LY6G6F: variants seen among roughly 807,000 people sequenced by gnomAD.
LY6G6F encodes the protein lymphocyte antigen 6 family member G6F.
A neutral mutation model predicts 33.0 loss-of-function variants in LY6G6F; 26 were observed. The ratio of observed to expected loss-of-function variants is 0.79; its 90% CI spans 0.58 to 1.09. The LOEUF (loss-of-function observed/expected upper bound fraction) is 1.09, where lower values mean the gene tolerates loss of function less well. Among genes scored for constraint, LY6G6F ranks in the 50% least tolerant of loss-of-function variants. The pLI, the probability that LY6G6F is intolerant of heterozygous loss-of-function variation, is 0.00. For missense variants in LY6G6F, 317 were observed against 372.0 expected (o/e 0.85, Z 1.22); for synonymous variants, 132 against 148.1 (o/e 0.89, Z 0.79).
At chr6:31,709,242 TTGTG>T (rs770068919) in intron 3 of LY6G6F, among the ~76,000 whole-genome samples, 1 of 123,000 alleles carries the variant, frequency 8.1e-6, no homozygotes, top group Non-Finnish European at 1.8e-5. Context: ...TGGCTAACTT[TTGTG>T]TGTGTGTGTG....
At position 31,707,847 on chromosome 6, in the gene LY6G6F, G is replaced by A. The variant is rs772422000; in HGVS notation, c.383-24G>A. 1.2e-6 allele frequency: 2 copies of A among 1,609,488 alleles called. No homozygotes were observed. Among genetic ancestry groups the A allele is most frequent in the Non-Finnish European group, 1.7e-6 (2 of 1,176,730 alleles). On this transcript the variant is annotated intron_variant, in intron 2 of 5. Transcript: ENST00000375832. This position sits in a 1 kb window ranked among gnomAD's most constrained non-coding sequence, Gnocchi z 4.1. ...GCCCAGGAAGTCCAGGTGAAGAACTGAGGAATCCCTCTCTCCCCTACAGGA... is the reference window on the plus strand; with the variant it reads ...GCCCAGGAAGTCCAGGTGAAGAACTAAGGAATCCCTCTCTCCCCTACAGGA...
Position 31,710,230 on chromosome 6 carries a change from C to T in LY6G6F, c.802+49C>T. The T allele has an allele frequency of 6.2e-7, 1 of 1,607,176 alleles. No individual in the cohort carries two copies. Among genetic ancestry groups the T allele is most frequent in the Non-Finnish European group, 8.5e-7 (1 of 1,175,906 alleles). On this transcript the variant is annotated intron_variant, in intron 4 of 5. Transcript: ENST00000375832. This position sits in a 1 kb window ranked among gnomAD's most constrained non-coding sequence, Gnocchi z 4.7. The stretch of plus-strand genomic sequence containing the variant: ...AAGAAGAGGGCACATGGGTGGGAGG[C>T]AAAGGGCTAGGCTCACACCCCGCCT...
At position 31,710,515 on chromosome 6, in the gene LY6G6F, G is replaced by A; in HGVS notation, c.870-52G>A. Reference sequence around the variant, plus strand: ...GTTGGGGATGGGCCCTCGTTCCTGAGGATGTGAAAAGTAGAGGTATCCTTA... The same window carrying A: ...GTTGGGGATGGGCCCTCGTTCCTGAAGATGTGAAAAGTAGAGGTATCCTTA... On this transcript the variant is annotated intron_variant, in intron 5 of 5. Transcript: ENST00000375832. This position sits in a 1 kb window ranked among gnomAD's most constrained non-coding sequence, Gnocchi z 4.7. 6.2e-7 allele frequency: 1 copy of A among 1,613,996 alleles called. No homozygotes were observed. The highest frequency in any genetic ancestry group is 8.5e-7 in the Non-Finnish European group (1 of 1,179,902).
chr6:31,709,907 T>C, intron 3 of LY6G6F, 119 bp from the exon 4 acceptor site: 1 of 1,062,102 alleles, frequency 9.4e-7, no homozygotes, highest in Non-Finnish European at 1.4e-6. Context: ...CAGGGAAGCT[T>C]ACAAAGTCTT....
At position 31,710,035 on chromosome 6, in the gene LY6G6F, A is replaced by G; in HGVS notation, c.656A>G (p.Asp219Gly). ...GVSFSLAASI[D>G]ASPALCAPST... ...CTGGCCCTTACTACAGCCTCCATCG[A>G]TGCTTCTCCTGCCCTCTGTGCCCCT... The change falls in exon 4 of 6, where the codon GAT (aspartate) becomes GGT (glycine). Residue 219 changes from aspartate (D) to glycine (G), a missense_variant. By Grantham distance (94) the Asp-to-Gly change is moderately conservative. Transcript: ENST00000375832. This position sits in a 1 kb window ranked among gnomAD's most constrained non-coding sequence, Gnocchi z 4.7. 1 of 1,612,296 alleles carries G rather than the reference A, an allele frequency of 6.2e-7. No homozygotes were observed. The highest frequency in any genetic ancestry group is 8.5e-7 in the Non-Finnish European group (1 of 1,179,638).
Position 31,706,975 on chromosome 6 carries a change from A to T in LY6G6F, c.52+17A>T. ...AGGCTGCAGGTAAGGGGCAAGAGGT[A>T]CGGGATTCCTTAGCTATTTGCAAGG... On this transcript the variant is annotated intron_variant, in intron 1 of 5. Transcript: ENST00000375832. 4 of 1,613,444 alleles carry T rather than the reference A, an allele frequency of 2.5e-6. No homozygotes were observed. The highest frequency in any genetic ancestry group is 3.4e-6 in the Non-Finnish European group (4 of 1,179,440).
Position 31,710,654 on chromosome 6 carries a change from A to G in LY6G6F, c.*63A>G. 1 of 1,605,660 alleles carries G rather than the reference A, an allele frequency of 6.2e-7. No individual in the cohort carries two copies. Among genetic ancestry groups the G allele is most frequent in the Non-Finnish European group, 8.5e-7 (1 of 1,172,678 alleles). On this transcript the variant is annotated 3_prime_UTR_variant, in exon 6 of 6. Coordinates refer to ENST00000375832, the MANE Select transcript of LY6G6F (RefSeq NM_001003693.3). This position sits in a 1 kb window ranked among gnomAD's most constrained non-coding sequence, Gnocchi z 4.7. ...TCGCTGGCCATCTGGCACCTGGAAG[A>G]TTCCTCGACAACCTTAGCAAGGGGG...
chr6:31,710,354 G>A lies in LY6G6F; in HGVS notation c.805G>A (p.Ala269Thr). 6.2e-7 allele frequency: 1 copy of A among 1,614,012 alleles called. No individual in the cohort carries two copies. The highest frequency in any genetic ancestry group is 1.1e-5 in the South Asian group (1 of 91,082). The change falls in exon 5 of 6, where the codon GCC (alanine) becomes ACC (threonine). Residue 269 changes from alanine (A) to threonine (T), a missense_variant and splice_region_variant. By Grantham distance (58) the Ala-to-Thr change is moderately conservative. Coordinates refer to ENST00000375832, the MANE Select transcript of LY6G6F (RefSeq NM_001003693.3). The surrounding 1 kb of genome is among the most constrained non-coding windows in gnomAD (Gnocchi z 4.7). Reference sequence around the variant, plus strand: ...CCCTGATGGCTCCTTCTCCCCAGATGCCTCGATTCCTCAGTTCAAACCCGA... The same window carrying A: ...CCCTGATGGCTCCTTCTCCCCAGATACCTCGATTCCTCAGTTCAAACCCGA... Reference protein sequence around the residue: ...QRVRGAPGRDASIPQFKPEIQ... With the variant: ...QRVRGAPGRDTSIPQFKPEIQ...
chr6:31,708,134 G>C lies in LY6G6F; in HGVS notation c.646G>C (p.Ala216Pro). The C allele has an allele frequency of 6.5e-7, 1 of 1,529,290 alleles. No homozygotes were observed. The highest frequency in any genetic ancestry group is 8.8e-7 in the Non-Finnish European group (1 of 1,138,056). 94.7% of individuals were successfully genotyped at this position (1,529,290 alleles called of 1,614,324 possible). A position where few individuals can be genotyped will look rare whatever the true frequency, so the allele number is the denominator to read the frequency against. The change falls in exon 3 of 6, where the codon GCC becomes CCC. Residue 216 changes from alanine (A) to proline (P), a missense_variant and splice_region_variant. Coordinates refer to ENST00000375832, the MANE Select transcript of LY6G6F (RefSeq NM_001003693.3). ...CAAAGGGGTCAGCTTTAGCCTGGCA[G>C]GTAAACTGAGGAAGGAGACGGAAAG... ...HNKGVSFSLA[A>P]SIDASPALCA...
Position 31,706,976 on chromosome 6 carries a change from C to G in LY6G6F, c.52+18C>G. 1 of 1,613,136 alleles carries G rather than the reference C, an allele frequency of 6.2e-7. No homozygotes were observed. The highest frequency in any genetic ancestry group is 8.5e-7 in the Non-Finnish European group (1 of 1,179,166). Reference sequence around the variant, plus strand: ...GGCTGCAGGTAAGGGGCAAGAGGTACGGGATTCCTTAGCTATTTGCAAGGT... The same window carrying G: ...GGCTGCAGGTAAGGGGCAAGAGGTAGGGGATTCCTTAGCTATTTGCAAGGT... On this transcript the variant is annotated intron_variant, in intron 1 of 5. Coordinates refer to ENST00000375832, the MANE Select transcript of LY6G6F (RefSeq NM_001003693.3).
Position 31,710,631 on chromosome 6 carries a change from G to C in LY6G6F, c.*40G>C. Reference sequence around the variant, plus strand: ...GCTGGGAAGTGTGACCTGCTGTCTCGCTGGCCATCTGGCACCTGGAAGATT... The same window carrying C: ...GCTGGGAAGTGTGACCTGCTGTCTCCCTGGCCATCTGGCACCTGGAAGATT... On this transcript the variant is annotated 3_prime_UTR_variant, in exon 6 of 6. Coordinates refer to ENST00000375832, the MANE Select transcript of LY6G6F (RefSeq NM_001003693.3). This position sits in a 1 kb window ranked among gnomAD's most constrained non-coding sequence, Gnocchi z 4.7. 1 of 1,613,536 alleles carries C rather than the reference G, an allele frequency of 6.2e-7. No homozygotes were observed. Among genetic ancestry groups the C allele is most frequent in the Non-Finnish European group, 8.5e-7 (1 of 1,179,692 alleles).
chr6:31,710,455 G>A lies in LY6G6F; in HGVS notation c.869+37G>A, dbSNP rs778865025. The A allele has an allele frequency of 1.2e-6, 2 of 1,614,038 alleles. No individual in the cohort carries two copies. The highest frequency in any genetic ancestry group is 2.2e-5 in the South Asian group (2 of 91,070). The stretch of plus-strand genomic sequence containing the variant: ...CTAGGGAACAGAGGCTTAAATCCTG[G>A]AGGGGACTGGGGATGGAGAGGAAAC... On this transcript the variant is annotated intron_variant, in intron 5 of 5. Transcript: ENST00000375832. This position sits in a 1 kb window ranked among gnomAD's most constrained non-coding sequence, Gnocchi z 4.7.
Position 31,707,674 on chromosome 6 carries a change from C to A in LY6G6F, c.269C>A (p.Ser90Tyr). Residue 90 changes from serine to tyrosine, a missense_variant, in exon 2 of 6, where the codon TCT becomes TAT. By Grantham distance (144) the Ser-to-Tyr change is moderately radical. Transcript: ENST00000375832. This position sits in a 1 kb window ranked among gnomAD's most constrained non-coding sequence, Gnocchi z 4.1. ...ESRLRLLGNYSLWLEGSKEED... is the reference protein window; with the variant it reads ...ESRLRLLGNYYLWLEGSKEED... ...AGGCTCAGACTGCTGGGGAACTATTCTTTGTGGTTGGAGGGATCCAAAGAG... is the reference window on the plus strand; with the variant it reads ...AGGCTCAGACTGCTGGGGAACTATTATTTGTGGTTGGAGGGATCCAAAGAG... The A allele has an allele frequency of 6.2e-7, 1 of 1,614,004 alleles. No individual in the cohort carries two copies. The highest frequency in any genetic ancestry group is 8.5e-7 in the Non-Finnish European group (1 of 1,179,936).
chr6:31,710,252 G>T lies in LY6G6F; in HGVS notation c.802+71G>T. On this transcript the variant is annotated intron_variant, in intron 4 of 5. Transcript: ENST00000375832. This position sits in a 1 kb window ranked among gnomAD's most constrained non-coding sequence, Gnocchi z 4.7. The stretch of plus-strand genomic sequence containing the variant: ...AGGCAAAGGGCTAGGCTCACACCCC[G>T]CCTCTGTACCCCACCTCCTCTAGGG... 1 of 1,611,424 alleles carries T rather than the reference G, an allele frequency of 6.2e-7. No individual in the cohort carries two copies. Among genetic ancestry groups the T allele is most frequent in the South Asian group, 1.1e-5 (1 of 91,008 alleles).
At chr6:31,709,848 A>T (rs1015963660) in intron 3 of LY6G6F, among the ~76,000 whole-genome samples, 178 bp from the exon 4 acceptor site, 1 of 152,192 alleles carries the variant, frequency 6.6e-6, no homozygotes, top group Non-Finnish European at 1.5e-5. Flanking sequence ...TCTATGGGTC[A>T]GGGTGAGAGG....
Position 31,707,699 on chromosome 6 carries a change from G to A in LY6G6F, c.294G>A (p.Glu98=), listed in dbSNP as rs746736953. 61 of 1,614,058 alleles carry A rather than the reference G, an allele frequency of 3.8e-5. No homozygotes were observed. The highest frequency in any genetic ancestry group is 3.2e-5 in the Non-Finnish European group (38 of 1,180,014). The change falls in exon 2 of 6, where the codon GAG becomes GAA. Residue 98 remains glutamate (E), a synonymous_variant. Transcript: ENST00000375832. The surrounding 1 kb of genome is among the most constrained non-coding windows in gnomAD (Gnocchi z 4.1). ...CTTTGTGGTTGGAGGGATCCAAAGAGGAAGATGCCGGGCGGTACTGGTGCG... is the reference window on the plus strand; with the variant it reads ...CTTTGTGGTTGGAGGGATCCAAAGAAGAAGATGCCGGGCGGTACTGGTGCG... ...NYSLWLEGSK[E]EDAGRYWCAV...
rs1805722427 is a variant in LY6G6F at position 31,707,788 on chromosome 6, G to A, written c.382+1G>A. The A allele has an allele frequency of 2.5e-6, 4 of 1,611,346 alleles. No individual in the cohort carries two copies. Among genetic ancestry groups the A allele is most frequent in the African/African-American group, 1.3e-5 (1 of 74,886 alleles). Reference sequence around the variant, plus strand: ...GTGTACGACGTCTTGGTGCTCAAAGGTGAGTGGGGGCATGCAGACCAGGGG... The same window carrying A: ...GTGTACGACGTCTTGGTGCTCAAAGATGAGTGGGGGCATGCAGACCAGGGG... On this transcript the variant is annotated splice_donor_variant, in intron 2 of 5. Transcript: ENST00000375832. LOFTEE classifies it high-confidence loss of function. The surrounding 1 kb of genome is among the most constrained non-coding windows in gnomAD (Gnocchi z 4.1).
Position 31,710,548 on chromosome 6 carries a change from T to C in LY6G6F, c.870-19T>C, listed in dbSNP as rs1473854573. ...AAAGTAGAGGTATCCTTAATCTGTC[T>C]CTCTGGAAAACCCCACAGCCCACCT... On this transcript the variant is annotated intron_variant, in intron 5 of 5. Transcript: ENST00000375832. The surrounding 1 kb of genome is among the most constrained non-coding windows in gnomAD (Gnocchi z 4.7). 4 of 1,614,032 alleles carry C rather than the reference T, an allele frequency of 2.5e-6. No homozygotes were observed. The highest frequency in any genetic ancestry group is 1.1e-5 in the South Asian group (1 of 91,074).
rs1805959427 is a variant in LY6G6F, at chr6:31,710,462, C to T, written c.869+44C>T. On this transcript the variant is annotated intron_variant, in intron 5 of 5. Transcript: ENST00000375832. The surrounding 1 kb of genome is among the most constrained non-coding windows in gnomAD (Gnocchi z 4.7). ...ACAGAGGCTTAAATCCTGGAGGGGA[C>T]TGGGGATGGAGAGGAAACACGGGTT... 1 of 1,613,668 alleles carries T rather than the reference C, an allele frequency of 6.2e-7. No individual in the cohort carries two copies. The highest frequency in any genetic ancestry group is 1.3e-5 in the African/African-American group (1 of 74,888).
Sources: gnomAD v4.1 joint callset for allele counts (sites outside exome capture counted in the v4.1 genomes callset) on GRCh38, gnomAD v4.1.1 for gene constraint, Gnocchi (gnomAD v3.1) non-coding constraint, MANE v1.5 for transcripts, NCBI Gene and HGNC (gene_info 2026-07-23, HGNC 2026-07-21) for gene names.